The following SART1 variants were observed in gnomAD, a reference collection of about 807,000 sequenced individuals.
SART1 encodes the protein U4/U6.U5 tri-snRNP-associated protein 1.
SART1 carries 28 observed loss-of-function variants against 105.0 expected under a neutral mutation model. The ratio of observed to expected loss-of-function variants is 0.27; its 90% confidence interval spans 0.20 to 0.37. The LOEUF is 0.37. Among genes scored for constraint, SART1 ranks in the 10% least tolerant of loss-of-function variants. The pLI is 1.00. For missense variants in SART1, 894 were observed against 1,106.5 expected (o/e 0.81, Z 2.72); for synonymous variants, 472 against 462.9 (o/e 1.02, Z -0.25).
intron 1 of SART1, among the ~76,000 whole-genome samples, chr11:65,962,598 C>T (rs1439979476): frequency 6.6e-6 from 1 of 152,210 alleles, no homozygotes; most frequent in Non-Finnish European, 1.5e-5. Context: ...ACTGTAGTCT[C>T]TGTTAAGAAC....
Position 65,978,869 on chromosome 11 carries a change from A to C in SART1, c.2339A>C (p.Lys780Thr). 1 of 1,614,024 alleles carries C rather than the reference A, an allele frequency of 6.2e-7. No individual in the cohort carries two copies. The highest frequency in any genetic ancestry group is 8.5e-7 in the Non-Finnish European group (1 of 1,179,980). Residue 780 changes from lysine (K) to threonine (T), a missense_variant, in exon 19 of 20, where the codon AAG becomes ACG. Around this residue, in one of 2 missense-constraint regions of SART1, gnomAD observed 182 missense variants for 328.3 expected, o/e 0.55. Transcript: ENST00000312397. This position sits in a 1 kb window ranked among gnomAD's most constrained non-coding sequence, Gnocchi z 6.8. The part of the protein sequence containing the change: ...ALLQEKQKAQ[K>T]TPYIVLSGSG... ...CTCCAGGAGAAGCAGAAGGCTCAGAAGACCCCCTACATCGTGCTCAGCGGC... is the reference window on the plus strand; with the variant it reads ...CTCCAGGAGAAGCAGAAGGCTCAGACGACCCCCTACATCGTGCTCAGCGGC...
intron 12 of SART1, among the ~76,000 whole-genome samples, chr11:65,972,566 C>T (rs142276907): frequency 8.3e-4 from 126 of 152,016 alleles, no homozygotes; most frequent in Non-Finnish European, 1.5e-3. Flanking sequence ...CCTGGGGCAA[C>T]ACAGCAAGAC....
At position 65,978,415 on chromosome 11, in the gene SART1, C is replaced by T. The variant is rs535658262; in HGVS notation, c.2173-185C>T. 173 of 618,602 alleles carry T rather than the reference C, an allele frequency of 2.8e-4. 1 individual carries two copies. In the South Asian group the frequency reaches 3.3e-3, roughly 12 times the overall value. The allele number at this position is 618,602 out of a possible 1,614,324, so 38.3% of individuals were successfully genotyped here. A position where few individuals can be genotyped will look rare whatever the true frequency, so the allele number is the denominator to read the frequency against. On this transcript the variant is annotated intron_variant, in intron 17 of 19. Transcript: ENST00000312397. This position sits in a 1 kb window ranked among gnomAD's most constrained non-coding sequence, Gnocchi z 6.8. ...CGCATCCACTAGCCAAGCTGGTCTCCCGGCCTCTGCTGGGGCCCTGCAGGG... is the reference window on the plus strand; with the variant it reads ...CGCATCCACTAGCCAAGCTGGTCTCTCGGCCTCTGCTGGGGCCCTGCAGGG...
chr11:65,977,178 C>T (rs750371788), intron 15 of SART1, 77 bp downstream of exon 15: 25 of 1,029,068 alleles, frequency 2.4e-5, no homozygotes, highest in Non-Finnish European at 3.7e-5. Flanking sequence ...CCTCCGGTCC[C>T]CTCTGCTGCC....
intron 5 of SART1, 101 bp from the exon 6 acceptor site, chr11:65,965,601 G>A: frequency 7.3e-7 from 1 of 1,365,324 alleles, no homozygotes; most frequent in South Asian, 1.3e-5. Context: ...CAGCTTTCCT[G>A]CAAGGCCTGC....
rs1478349977 is a variant in SART1 at position 65,977,049 on chromosome 11, A to G, written c.1893A>G (p.Glu631=). 6.2e-7 allele frequency: 1 copy of G among 1,613,848 alleles called. No homozygotes were observed. The highest frequency in any genetic ancestry group is 8.5e-7 in the Non-Finnish European group (1 of 1,179,806). The change falls in exon 15 of 20, where the codon GAA becomes GAG. Residue 631 remains glutamate, a synonymous_variant. Coordinates refer to ENST00000312397, the MANE Select transcript of SART1 (RefSeq NM_005146.5). ...CCTCCACCACCATCCTGGACGAGGA[A>G]CCGATCGTGAATAGGGGGCTGGCAG... ...SASSTTILDE[E]PIVNRGLAAA...
intron 2 of SART1, 25 bp from the exon 3 acceptor site, chr11:65,964,490 T>C (rs1039039044): frequency 3.7e-5 from 59 of 1,612,980 alleles, no homozygotes; most frequent in Non-Finnish European, 5.0e-5. Context: ...TAATAGCCCC[T>C]AACACTTGTA....
At position 65,977,818 on chromosome 11, in the gene SART1, C is replaced by T. The variant is rs1263586175; in HGVS notation, c.2091C>T (p.Asp697=). The T allele has an allele frequency of 7.4e-6, 12 of 1,613,846 alleles. No homozygotes were observed. Among genetic ancestry groups the T allele is most frequent in the Non-Finnish European group, 1.0e-5 (12 of 1,180,004 alleles). Residue 697 remains aspartate, a synonymous_variant, in exon 17 of 20, where the codon GAC becomes GAT. Transcript: ENST00000312397. ...AGGAATACCGAGGCTTCACACAGGA[C>T]TTCAAGGAGAAGGACGGCTACAAAC... ...RREEYRGFTQ[D]FKEKDGYKPD... is the part of the protein sequence containing the mutation.
At chr11:65,965,011 G>A (rs1299327166) in intron 3 of SART1, 81 bp from the exon 4 acceptor site, 2 of 1,490,346 alleles carry the variant, frequency 1.3e-6, no homozygotes, top group African/African-American at 1.4e-5. Context: ...CCCTGAGCTG[G>A]AAGGGGGCAG....
At position 65,966,062 on chromosome 11, in the gene SART1, T is replaced by G; in HGVS notation, c.839-14T>G. Reference sequence around the variant, plus strand: ...GGACAAGTGTGAATGGCCACTGCTCTGTGCTGCCCCCAGGCGTGCTGCAGG... The same window carrying G: ...GGACAAGTGTGAATGGCCACTGCTCGGTGCTGCCCCCAGGCGTGCTGCAGG... On this transcript the variant is annotated splice_polypyrimidine_tract_variant and intron_variant, in intron 7 of 19. Transcript: ENST00000312397. 6.2e-7 allele frequency: 1 copy of G among 1,613,896 alleles called. No homozygotes were observed. Among genetic ancestry groups the G allele is most frequent in the Non-Finnish European group, 8.5e-7 (1 of 1,179,938 alleles).
rs369974547 is a variant in SART1 at position 65,964,157 on chromosome 11, C to T, written c.371+26C>T. On this transcript the variant is annotated intron_variant, in intron 2 of 19. Coordinates refer to ENST00000312397, the MANE Select transcript of SART1 (RefSeq NM_005146.5). ...GTGAGTACTGTCTCCCTTGTTTCTA[C>T]TTTGTTTTTCTAAGAGAGGTGGCTC... is the stretch of plus-strand genomic sequence containing the variant. 5.4e-5 allele frequency: 87 copies of T among 1,607,350 alleles called. No homozygotes were observed. The African/African-American group carries it at 1.0e-3, about 19-fold the overall frequency.
Position 65,965,895 on chromosome 11 carries a change from C to T in SART1, c.747C>T (p.Tyr249=). 1 of 1,614,078 alleles carries T rather than the reference C, an allele frequency of 6.2e-7. No homozygotes were observed. Among genetic ancestry groups the T allele is most frequent in the Non-Finnish European group, 8.5e-7 (1 of 1,180,008 alleles). ...GCCGATTCTTCCCTTAGGACCTGTA[C>T]AGTGCCCGGGACCTGCAGGGCCTCA... ...EEFGQRRQDL[Y]SARDLQGLTV... is the part of the protein sequence containing the mutation. Residue 249 remains tyrosine, a synonymous_variant, in exon 7 of 20, where the codon TAC becomes TAT. Transcript: ENST00000312397.
At position 65,979,060 on chromosome 11, in the gene SART1, A is replaced by G. The variant is rs1288386243; in HGVS notation, c.*30A>G. On this transcript the variant is annotated 3_prime_UTR_variant, in exon 20 of 20. Transcript: ENST00000312397. ...GCCCTCCCGCCCCGGCCCTGCCTCA[A>G]CCTTCATATTAAATAAAGCTCCCTC... 4 of 1,613,992 alleles carry G rather than the reference A, an allele frequency of 2.5e-6. No individual in the cohort carries two copies. The highest frequency in any genetic ancestry group is 2.2e-5 in the South Asian group (2 of 91,088).
Position 65,978,808 on chromosome 11 carries a change from A to C in SART1, c.2278A>C (p.Ser760Arg). ...LDEEALLKKM[S>R]SSDTPLGTVA... Reference sequence around the variant, plus strand: ...GACCCCTCAGCTCCTGAAGAAGATGAGCTCCAGCGACACGCCCCTGGGCAC... The same window carrying C: ...GACCCCTCAGCTCCTGAAGAAGATGCGCTCCAGCGACACGCCCCTGGGCAC... The change falls in exon 19 of 20, where the codon AGC becomes CGC. Residue 760 changes from serine to arginine, a missense_variant. Physicochemically the swap from Ser to Arg is moderately radical, Grantham distance 110. Around this residue, in one of 2 missense-constraint regions of SART1, gnomAD observed 182 missense variants for 328.3 expected, o/e 0.55. Transcript: ENST00000312397. This position sits in a 1 kb window ranked among gnomAD's most constrained non-coding sequence, Gnocchi z 6.8. The C allele has an allele frequency of 6.2e-7, 1 of 1,613,894 alleles. No homozygotes were observed. The highest frequency in any genetic ancestry group is 8.5e-7 in the Non-Finnish European group (1 of 1,179,936).
intron 8 of SART1, 64 bp from the exon 9 acceptor site, chr11:65,966,286 G>A: frequency 6.2e-7 from 1 of 1,613,792 alleles, no homozygotes; most frequent in Non-Finnish European, 8.5e-7. Flanking sequence ...GCTCTGAGGA[G>A]GTGGTGGCTC....
chr11:65,979,137 T>G lies in SART1; in HGVS notation c.*107T>G. On this transcript the variant is annotated 3_prime_UTR_variant, in exon 20 of 20. Coordinates refer to ENST00000312397, the MANE Select transcript of SART1 (RefSeq NM_005146.5). ...ACAGATTCCAGGGTTGGATCTTTGGTTGGGTGTGGCACAGAGTCTGGCTCC... is the reference window on the plus strand; with the variant it reads ...ACAGATTCCAGGGTTGGATCTTTGGGTGGGTGTGGCACAGAGTCTGGCTCC... 6.9e-7 allele frequency: 1 copy of G among 1,449,558 alleles called. No individual in the cohort carries two copies. Among genetic ancestry groups the G allele is most frequent in the South Asian group, 1.2e-5 (1 of 83,060 alleles). The allele number at this position is 1,449,558 out of a possible 1,614,324, so 89.8% of individuals were successfully genotyped here.
intron 2 of SART1, 151 bp downstream of exon 2, chr11:65,964,282 G>A (rs1855204443): frequency 1.1e-6 from 1 of 869,972 alleles, no homozygotes; most frequent in African/African-American, 1.7e-5. Context: ...TTATAGAAGA[G>A]AAAACTAAAA....
rs749889003 is a variant in SART1, at chr11:65,961,745, C to T, written c.-36C>T. 1.4e-5 allele frequency: 20 copies of T among 1,465,200 alleles called. No individual in the cohort carries two copies. In the South Asian group the frequency reaches 2.6e-4, roughly 19 times the overall value. The allele number at this position is 1,465,200 out of a possible 1,614,324, so 90.8% of individuals were successfully genotyped here. A position where few individuals can be genotyped will look rare whatever the true frequency, so the allele number is the denominator to read the frequency against. The stretch of plus-strand genomic sequence containing the variant: ...GTATTCCCATTTTGCGTTGTCTGGG[C>T]TCGGCGGCAGCCGGGCTCGGAGTGG... On this transcript the variant is annotated 5_prime_UTR_variant, in exon 1 of 20. Coordinates refer to ENST00000312397, the MANE Select transcript of SART1 (RefSeq NM_005146.5).
At position 65,979,071 on chromosome 11, in the gene SART1, A is replaced by C. The variant is rs1855539879; in HGVS notation, c.*41A>C. 1 of 1,613,420 alleles carries C rather than the reference A, an allele frequency of 6.2e-7. No individual in the cohort carries two copies. The highest frequency in any genetic ancestry group is 8.5e-7 in the Non-Finnish European group (1 of 1,179,462). On this transcript the variant is annotated 3_prime_UTR_variant, in exon 20 of 20. Coordinates refer to ENST00000312397, the MANE Select transcript of SART1 (RefSeq NM_005146.5). ...CCGGCCCTGCCTCAACCTTCATATT[A>C]AATAAAGCTCCCTCCTTATTTTTTC...
Sources: gnomAD v4.1 joint callset for allele counts (sites outside exome capture counted in the v4.1 genomes callset) on GRCh38, gnomAD v4.1.1 for gene constraint, gnomAD v4.1.1 regional missense constraint, Gnocchi (gnomAD v3.1) non-coding constraint, MANE v1.5 for transcripts, NCBI Gene and HGNC (gene_info 2026-07-23, HGNC 2026-07-21) for gene names.